ANKRD30B: variants seen among roughly 807,000 people sequenced by gnomAD.
ANKRD30B encodes ankyrin repeat domain-containing protein 30B.
In ANKRD30B, 144 loss-of-function variants were observed where a neutral mutation model predicts 202.2. The observed-to-expected ratio is 0.71, with a 90% CI of 0.62 to 0.82. The LOEUF (loss-of-function observed/expected upper bound fraction) is 0.82, where lower values mean the gene tolerates loss of function less well. Among genes scored for constraint, ANKRD30B ranks in the 40% least tolerant of loss-of-function variants. ANKRD30B has a pLI of 0.00. For missense variants in ANKRD30B, 1,487 were observed against 1,669.1 expected, an observed-to-expected ratio of 0.89 and a Z score of 1.90; for synonymous variants, 508 against 561.3, an observed-to-expected ratio of 0.91 and a Z score of 1.34.
At chr18:14,884,769 C>G in the ANKRD30B span, among the ~76,000 whole-genome samples, 2 of 152,058 alleles carry the variant, frequency 1.3e-5, no homozygotes, top group African/African-American at 4.8e-5. Flanking sequence ...GAGGCTAGGA[C>G]TATATTATTT....
the ANKRD30B span, among the ~76,000 whole-genome samples, chr18:14,893,732 TAA>T: frequency 1.3e-5 from 2 of 151,892 alleles, no homozygotes; most frequent in Non-Finnish European, 1.5e-5. Context: ...GTTAACAATA[TAA>T]GTTAATTATA....
intron 12 of ANKRD30B, among the ~76,000 whole-genome samples, chr18:14,783,337 G>A (rs1967875149): frequency 6.6e-6 from 1 of 152,118 alleles, no homozygotes; most frequent in Non-Finnish European, 1.5e-5. Context: ...TGATGTCAGT[G>A]GTCCTTGGAG....
chr18:14,764,878 A>G (rs1598582958), intron 7 of ANKRD30B, among the ~76,000 whole-genome samples: 1 of 152,244 alleles, frequency 6.6e-6, no homozygotes, highest in Non-Finnish European at 1.5e-5. Flanking sequence ...TTTCTAAGCC[A>G]GTCACTAGGA....
chr18:14,931,895 T>TCCCGGGCCC, the ANKRD30B span, among the ~76,000 whole-genome samples: 11 of 147,312 alleles, frequency 7.5e-5, no homozygotes, highest in African/African-American at 2.5e-4. Context: ...AGGCCCTCTG[T>TCCCGGGCCC]CCCAGGCCCC....
chr18:14,764,628 T>C (rs1453474619), intron 7 of ANKRD30B, among the ~76,000 whole-genome samples: 1 of 152,252 alleles, frequency 6.6e-6, no homozygotes, highest in East Asian at 1.9e-4. Context: ...GACCTCGTGA[T>C]AGCCCCGCCT....
chr18:14,894,480 T>C, the ANKRD30B span, among the ~76,000 whole-genome samples: 4 of 151,954 alleles, frequency 2.6e-5, no homozygotes, highest in Admixed American at 2.6e-4. Context: ...TAAAGCTTTA[T>C]GTTTAAAGTT....
the ANKRD30B span, among the ~76,000 whole-genome samples, chr18:14,940,298 G>A: frequency 6.6e-6 from 1 of 152,184 alleles, no homozygotes; most frequent in Non-Finnish European, 1.5e-5. Context: ...TCTGGATGCA[G>A]CATCTCTCCG....
At chr18:14,799,042 G>C in intron 20 of ANKRD30B, 59 bp from the exon 21 acceptor site, 1 of 1,434,642 alleles carries the variant, frequency 7.0e-7, no homozygotes, top group Non-Finnish European at 9.8e-7. Context: ...CTCTATGAAC[G>C]TTTGGTAGGC....
At chr18:14,939,291 G>C in the ANKRD30B span, among the ~76,000 whole-genome samples, 4 of 152,130 alleles carry the variant, frequency 2.6e-5, no homozygotes, top group African/African-American at 9.7e-5. Context: ...GCCCCCAGAG[G>C]GACAGGAGCT....
the ANKRD30B span, among the ~76,000 whole-genome samples, chr18:14,891,207 GA>G: frequency 6.6e-6 from 1 of 152,072 alleles, no homozygotes; most frequent in African/African-American, 2.4e-5. Context: ...TTGACTTAAA[GA>G]AAAAACTAAT....
the ANKRD30B span, among the ~76,000 whole-genome samples, chr18:14,930,698 C>T: frequency 3.9e-5 from 6 of 151,918 alleles, no homozygotes; most frequent in Non-Finnish European, 8.8e-5. Flanking sequence ...ACTGAAACAG[C>T]ATGGGGTGTC....
chr18:14,799,326 AATTAAGAAT>A, intron 22 of ANKRD30B, 31 bp downstream of exon 22: 1 of 1,480,908 alleles, frequency 6.8e-7, no homozygotes, highest in Non-Finnish European at 9.0e-7. Flanking sequence ...TTTACTCTGG[AATTAAGAAT>A]ATTAAACTAT....
In ANKRD30B at chr18:14,852,044, A is replaced by G. The variant is rs760973292; in HGVS notation, c.4100A>G (p.Asn1367Ser). Residue 1367 changes from asparagine to serine, a missense_variant, in exon 42 of 44, where the codon AAT becomes AGT. Asn to Ser is a conservative substitution (Grantham distance 46, BLOSUM62 1). Transcript: ENST00000690538. ...TCCAAAAGCCCAAAAATTAATCTCA[A>G]TTATGCAGGAGATGATCTAAGAGAA... ...RKSKSPKINL[N>S]YAGDDLRENA... is the part of the protein sequence containing the mutation. The G allele has an allele frequency of 2.6e-5, 42 of 1,607,170 alleles. 1 individual carries two copies. The highest frequency in any genetic ancestry group is 2.1e-4 in the South Asian group (19 of 90,092).
the ANKRD30B span, among the ~76,000 whole-genome samples, chr18:14,938,538 G>T: frequency 6.6e-6 from 1 of 152,062 alleles, no homozygotes; most frequent in Admixed American, 6.5e-5. Flanking sequence ...ATTCCGGAAG[G>T]GTCTGAGACA....
intron 15 of ANKRD30B, among the ~76,000 whole-genome samples, chr18:14,790,508 A>G (rs1208123494): frequency 6.6e-6 from 1 of 152,182 alleles, no homozygotes; most frequent in East Asian, 1.9e-4. Context: ...CCAATTCAGT[A>G]TGATATTGGC....
chr18:14,792,727 CAA>C (rs922527656), intron 16 of ANKRD30B, among the ~76,000 whole-genome samples: 35 of 15,684 alleles, frequency 2.2e-3, no homozygotes, highest in African/African-American at 5.1e-3. Context: ...TATGAGGCAT[CAA>C]ATATATATAT....
chr18:14,767,296 G>C (rs1916391468), intron 7 of ANKRD30B, among the ~76,000 whole-genome samples: 1 of 152,078 alleles, frequency 6.6e-6, no homozygotes, highest in African/African-American at 2.4e-5. Flanking sequence ...AAGACACCCG[G>C]TGAATGTCTG....
In ANKRD30B at chr18:14,808,565, G is replaced by T. The variant is rs1470198786; in HGVS notation, c.2299G>T (p.Asp767Tyr). 6.5e-7 allele frequency: 1 copy of T among 1,534,438 alleles called. No homozygotes were observed. The highest frequency in any genetic ancestry group is 1.1e-5 in the South Asian group (1 of 87,830). The change falls in exon 25 of 44, where the codon GAT becomes TAT. Residue 767 changes from aspartate to tyrosine, a missense_variant. Asp to Tyr is a radical substitution (Grantham distance 160, BLOSUM62 -3). This residue lies in a region of ANKRD30B where 218 missense variants were observed against 320.1 expected (regional missense o/e 0.68). Transcript: ENST00000690538. ...TTTTCTTTTAGAGTCTCCTGATAAAGATGGTCTTCTGAAGGTAATTACTTT... is the reference window on the plus strand; with the variant it reads ...TTTTCTTTTAGAGTCTCCTGATAAATATGGTCTTCTGAAGGTAATTACTTT... ...SGKLEESPDK[D>Y]GLLKPTCGRK...
At chr18:14,770,019 T>C (rs1307555681) in intron 8 of ANKRD30B, among the ~76,000 whole-genome samples, 1 of 152,190 alleles carries the variant, frequency 6.6e-6, no homozygotes, top group African/African-American at 2.4e-5. Flanking sequence ...AGAGGCTATA[T>C]CTTATAGAAT....
Sources: gnomAD v4.1 joint callset for allele counts (sites outside exome capture counted in the v4.1 genomes callset) on GRCh38, gnomAD v4.1.1 for gene constraint, gnomAD v4.1.1 regional missense constraint, MANE v1.5 for transcripts, NCBI Gene and HGNC (gene_info 2026-07-23, HGNC 2026-07-21) for gene names.